The following PODXL variants were observed in gnomAD, a reference collection of about 807,000 sequenced individuals.
PODXL encodes podocalyxin.
Under a neutral mutation model 48.9 loss-of-function variants are expected in PODXL, and 20 were observed. The ratio of observed to expected loss-of-function variants is 0.41; its 90% CI spans 0.29 to 0.59. PODXL has a LOEUF of 0.59. PODXL is among the 20% of genes least tolerant of loss of function. The pLI is 0.31. For synonymous variants in PODXL, 295 were observed against 287.4 expected (o/e 1.03, Z -0.27); for missense variants, 606 against 675.1 (o/e 0.90, Z 1.13).
chr7:131,525,123 C>T (rs35975087), intron 1 of PODXL, among the ~76,000 whole-genome samples: 1,710 of 152,252 alleles, frequency 0.011, 14 homozygotes, highest in South Asian at 0.025. Flanking sequence ...ATTTTTAGGA[C>T]AGTGAGTGAT....
chr7:131,513,585 G>A (rs921024921), intron 1 of PODXL, among the ~76,000 whole-genome samples: 1 of 152,230 alleles, frequency 6.6e-6, no homozygotes, highest in Non-Finnish European at 1.5e-5. Context: ...CCTGGGATGA[G>A]CATAAGCAGG....
chr7:131,510,573 GCAAT>G (rs1797894617), intron 2 of PODXL, among the ~76,000 whole-genome samples: 1 of 150,470 alleles, frequency 6.6e-6, no homozygotes, highest in Non-Finnish European at 1.5e-5. Flanking sequence ...TCAGGTTCAA[GCAAT>G]TCTCCTGCCT....
In PODXL at chr7:131,500,974, T is replaced by G. The variant is rs986944422; in HGVS notation, c.*3337A>C. On this transcript the variant is annotated 3_prime_UTR_variant, in exon 9 of 9. Transcript: ENST00000378555. ...ATTATCTTTTTCTCTAGAAAAAGAT[T>G]GGACTAGATCTTGAAATACCTTTCT... 3.9e-5 allele frequency: 6 copies of G among 152,200 alleles called. No homozygotes were observed. Among genetic ancestry groups the G allele is most frequent in the African/African-American group, 1.4e-4 (6 of 41,448 alleles). The allele number at this position is 152,200 out of a possible 1,614,324, so 9.4% of individuals were successfully genotyped here. A position where few individuals can be genotyped will look rare whatever the true frequency, so the allele number is the denominator to read the frequency against.
chr7:131,547,841 C>G (rs1798607446), intron 1 of PODXL, among the ~76,000 whole-genome samples: 1 of 152,248 alleles, frequency 6.6e-6, no homozygotes, highest in Non-Finnish European at 1.5e-5. Flanking sequence ...TCACTGGCCC[C>G]CGGCTGCTGC....
intron 1 of PODXL, among the ~76,000 whole-genome samples, chr7:131,521,798 C>T (rs137865220): frequency 9.7e-4 from 148 of 152,228 alleles, no homozygotes; most frequent in African/African-American, 3.3e-3. Flanking sequence ...CAAACCCTTG[C>T]GGGTGGGGCT....
intron 1 of PODXL, among the ~76,000 whole-genome samples, chr7:131,539,727 G>A (rs549384241): frequency 9.8e-5 from 15 of 152,316 alleles, no homozygotes; most frequent in African/African-American, 3.1e-4. Context: ...CAGCCTTGCC[G>A]ACCCCCTGCT....
intron 1 of PODXL, among the ~76,000 whole-genome samples, chr7:131,516,706 T>C (rs1018183128): frequency 3.3e-5 from 5 of 151,078 alleles, no homozygotes; most frequent in African/African-American, 1.2e-4. Flanking sequence ...TAATTGTGGG[T>C]CACGCTTTGA....
Position 131,506,455 on chromosome 7 carries a change from T to A in PODXL, c.1249+124A>T. ...CTCTCGGGTGACCTGGGAGGGGGTGTGGCTTGACAGTTCTTAGGGAACTGA... is the reference window on the plus strand; with the variant it reads ...CTCTCGGGTGACCTGGGAGGGGGTGAGGCTTGACAGTTCTTAGGGAACTGA... On this transcript the variant is annotated intron_variant, in intron 6 of 8. Transcript: ENST00000378555. 2.8e-6 allele frequency: 4 copies of A among 1,424,734 alleles called. No homozygotes were observed. The South Asian group carries it at 3.6e-5, about 13-fold the overall frequency. 88.3% of individuals were successfully genotyped at this position (1,424,734 alleles called of 1,614,324 possible).
At chr7:131,508,558 C>T (rs998758910) in intron 5 of PODXL, among the ~76,000 whole-genome samples, 7 of 152,120 alleles carry the variant, frequency 4.6e-5, no homozygotes, top group East Asian at 1.9e-4. Context: ...CACCTGGCCT[C>T]ACCTCTCATT....
At chr7:131,529,007 A>C (rs1242410033) in intron 1 of PODXL, among the ~76,000 whole-genome samples, 1 of 152,080 alleles carries the variant, frequency 6.6e-6, no homozygotes, top group East Asian at 1.9e-4. Flanking sequence ...GGAAATGCTG[A>C]GATTTCAGAG....
intron 1 of PODXL, among the ~76,000 whole-genome samples, chr7:131,547,418 T>G (rs1798598268): frequency 1.3e-5 from 2 of 150,318 alleles, no homozygotes; most frequent in Non-Finnish European, 2.9e-5. Context: ...GTGGATGCTT[T>G]CTGCACATCA....
chr7:131,515,298 G>C (rs1049507007), intron 1 of PODXL, among the ~76,000 whole-genome samples: 23 of 152,192 alleles, frequency 1.5e-4, no homozygotes, highest in African/African-American at 5.5e-4. Flanking sequence ...GAAGGGCTGA[G>C]AGGGCCCTTT....
At chr7:131,519,602 G>GAAA (rs1217348552) in intron 1 of PODXL, among the ~76,000 whole-genome samples, 1 of 142,758 alleles carries the variant, frequency 7.0e-6, no homozygotes, top group African/African-American at 2.6e-5. Flanking sequence ...ATCAAAAGGG[G>GAAA]AAAAAAAAAA....
intron 1 of PODXL, among the ~76,000 whole-genome samples, chr7:131,526,739 C>CCTTTTTTTTT (rs776086173): frequency 1.1e-5 from 1 of 90,498 alleles, no homozygotes; most frequent in African/African-American, 4.4e-5. Flanking sequence ...CTTCCTTACT[C>CCTTTTTTTTT]TTTTTTTTTT....
At chr7:131,532,460 A>AAAT (rs202171448) in intron 1 of PODXL, among the ~76,000 whole-genome samples, 7,470 of 149,792 alleles carry the variant, frequency 0.05, 274 homozygotes, top group East Asian at 0.21. Flanking sequence ...AATTAAAAAT[A>AAAT]AATAATAATA....
At chr7:131,555,984 C>T (rs753560551) in intron 1 of PODXL, among the ~76,000 whole-genome samples, 1 of 152,386 alleles carries the variant, frequency 6.6e-6, no homozygotes, top group Admixed American at 6.5e-5. Flanking sequence ...ACCCACTTAG[C>T]ACCGGCGCGC....
chr7:131,505,415 G>A (rs1797780665), intron 8 of PODXL, among the ~76,000 whole-genome samples: 1 of 152,154 alleles, frequency 6.6e-6, no homozygotes, highest in Non-Finnish European at 1.5e-5. Flanking sequence ...GGGAGGCTGA[G>A]GCAGGCGGAT....
intron 1 of PODXL, among the ~76,000 whole-genome samples, chr7:131,550,852 A>G (rs1419787322): frequency 6.6e-6 from 1 of 152,068 alleles, no homozygotes; most frequent in Non-Finnish European, 1.5e-5. Context: ...ATTGAGAGTC[A>G]CTGGGAACTT....
chr7:131,551,015 A>G (rs1025704875), intron 1 of PODXL, among the ~76,000 whole-genome samples: 1 of 152,164 alleles, frequency 6.6e-6, no homozygotes, highest in Non-Finnish European at 1.5e-5. Flanking sequence ...CCCTTTGCCA[A>G]CCGAATTCCA....
Sources: gnomAD v4.1 joint callset for allele counts (sites outside exome capture counted in the v4.1 genomes callset) on GRCh38, gnomAD v4.1.1 for gene constraint, MANE v1.5 for transcripts, NCBI Gene and HGNC (gene_info 2026-07-23, HGNC 2026-07-21) for gene names.